The following NEGR1 variants were observed in gnomAD, a reference collection of about 807,000 sequenced individuals.
NEGR1 encodes neuronal growth regulator 1, also known as IgLON family member 4.
A neutral mutation model predicts 40.9 loss-of-function variants in NEGR1; 10 were observed. The observed-to-expected ratio is 0.24, with a 90% CI of 0.15 to 0.42. The LOEUF is 0.42. Ranked by LOEUF, NEGR1 falls within the 10% of genes least tolerant of loss-of-function variation. The pLI, the probability that NEGR1 is intolerant of heterozygous loss-of-function variation, is 1.00. For synonymous variants in NEGR1, 185 were observed against 166.8 expected (o/e 1.11, Z -0.84); for missense variants, 352 against 438.9 (o/e 0.80, Z 1.77).
chr1:71,780,040 C>CAA (rs57576840), intron 2 of NEGR1, among the ~76,000 whole-genome samples: 59 of 99,704 alleles, frequency 5.9e-4, no homozygotes, highest in Non-Finnish European at 8.1e-4. Context: ...ATAGGAAAAC[C>CAA]AAAAAAAAAA....
chr1:71,506,529 C>T (rs550823533), intron 6 of NEGR1, among the ~76,000 whole-genome samples: 6 of 152,054 alleles, frequency 3.9e-5, no homozygotes, highest in Non-Finnish European at 7.4e-5. Context: ...ATATATTAAA[C>T]CAAAAAGCCA....
intron 2 of NEGR1, among the ~76,000 whole-genome samples, chr1:71,778,369 G>A (rs541863519): frequency 5.3e-4 from 80 of 151,966 alleles, no homozygotes; most frequent in African/African-American, 1.8e-3. Flanking sequence ...TGAAATATTC[G>A]ACATTTTATT....
At chr1:71,683,147 CA>C (rs1458394597) in intron 4 of NEGR1, among the ~76,000 whole-genome samples, 2 of 152,092 alleles carry the variant, frequency 1.3e-5, no homozygotes, top group African/African-American at 4.8e-5. Flanking sequence ...TCCATAAAAT[CA>C]GAGCTAAACG....
intron 1 of NEGR1, among the ~76,000 whole-genome samples, chr1:72,118,067 G>T (rs1368531556): frequency 1.3e-5 from 2 of 151,794 alleles, no homozygotes; most frequent in African/African-American, 4.8e-5. Context: ...CTCAAAGCTA[G>T]ATATAATTTT....
chr1:72,232,817 A>AT, intron 1 of NEGR1, among the ~76,000 whole-genome samples: 1 of 152,198 alleles, frequency 6.6e-6, no homozygotes, highest in Non-Finnish European at 1.5e-5. Context: ...TTGTTACCAC[A>AT]TAAGTTTGAG....
At chr1:71,750,454 A>T (rs1332618584) in intron 3 of NEGR1, among the ~76,000 whole-genome samples, 3 of 152,218 alleles carry the variant, frequency 2.0e-5, no homozygotes, top group Non-Finnish European at 4.4e-5. Flanking sequence ...TACCCGAGAC[A>T]TATAAAGAAA....
chr1:71,606,047 T>C (rs1557584733), intron 5 of NEGR1, among the ~76,000 whole-genome samples: 2 of 152,212 alleles, frequency 1.3e-5, no homozygotes, highest in Non-Finnish European at 2.9e-5. Context: ...CCTCTCACAA[T>C]GACAATTTCA....
chr1:71,984,501 G>A (rs544150985), intron 1 of NEGR1, among the ~76,000 whole-genome samples: 1 of 152,116 alleles, frequency 6.6e-6, no homozygotes, highest in East Asian at 1.9e-4. Context: ...AAAAATTATA[G>A]AGAAAAACAA....
chr1:72,265,474 G>GT, intron 1 of NEGR1, among the ~76,000 whole-genome samples: 1 of 150,970 alleles, frequency 6.6e-6, no homozygotes, highest in Middle Eastern at 3.4e-3. Flanking sequence ...CCTAAAGTAT[G>GT]TAACTAATAT....
chr1:71,679,560 A>AT (rs909801524), intron 4 of NEGR1, among the ~76,000 whole-genome samples: 3 of 151,952 alleles, frequency 2.0e-5, no homozygotes, highest in African/African-American at 4.8e-5. Flanking sequence ...AATTGAAATA[A>AT]TTTTTTTTGG....
At chr1:71,649,170 C>T (rs891386773) in intron 4 of NEGR1, among the ~76,000 whole-genome samples, 2 of 152,002 alleles carry the variant, frequency 1.3e-5, no homozygotes, top group African/African-American at 4.8e-5. Flanking sequence ...ACCTCTCAAA[C>T]ATGAAAATAT....
chr1:71,668,593 A>C (rs1652316652), intron 4 of NEGR1, among the ~76,000 whole-genome samples: 2 of 152,148 alleles, frequency 1.3e-5, no homozygotes, highest in African/African-American at 4.8e-5. Context: ...TGGGAAGATA[A>C]AACGTGACTG....
At chr1:71,595,526 A>AT (rs1649668739) in intron 5 of NEGR1, among the ~76,000 whole-genome samples, 2 of 152,082 alleles carry the variant, frequency 1.3e-5, no homozygotes, top group South Asian at 4.1e-4. Flanking sequence ...TACTTTTGTG[A>AT]TTTTCCTGGA....
chr1:71,909,428 G>T (rs576512517), intron 2 of NEGR1, among the ~76,000 whole-genome samples: 1 of 152,140 alleles, frequency 6.6e-6, no homozygotes, highest in Non-Finnish European at 1.5e-5. Flanking sequence ...TCCGGTGTTC[G>T]TTGAATGTGA....
chr1:71,662,041 T>G (rs561758299), intron 4 of NEGR1, among the ~76,000 whole-genome samples: 1 of 152,326 alleles, frequency 6.6e-6, no homozygotes, highest in South Asian at 2.1e-4. Flanking sequence ...GTCTGGCACA[T>G]AATAAATGGT....
chr1:71,709,255 G>A (rs1049890329), intron 3 of NEGR1, among the ~76,000 whole-genome samples: 10 of 152,082 alleles, frequency 6.6e-5, no homozygotes, highest in South Asian at 2.1e-4. Context: ...AATTCTCTGC[G>A]GAGAATTTTG....
At chr1:71,746,442 G>T (rs970104151) in intron 3 of NEGR1, among the ~76,000 whole-genome samples, 2 of 152,108 alleles carry the variant, frequency 1.3e-5, no homozygotes, top group African/African-American at 2.4e-5. Context: ...AGATTATCTG[G>T]TTATAACTGA....
intron 1 of NEGR1, among the ~76,000 whole-genome samples, chr1:72,245,826 C>T (rs1654883818): frequency 6.6e-6 from 1 of 152,012 alleles, no homozygotes; most frequent in East Asian, 1.9e-4. Flanking sequence ...TTTCACACTT[C>T]TAATACATGC....
At chr1:72,136,681 A>G (rs938457651) in intron 1 of NEGR1, among the ~76,000 whole-genome samples, 7 of 151,674 alleles carry the variant, frequency 4.6e-5, no homozygotes, top group African/African-American at 1.7e-4. Context: ...TCCAAGCACA[A>G]GATGGGCAAA....
Sources: allele counts gnomAD v4.1 joint callset (sites outside exome capture counted in the v4.1 genomes callset), GRCh38; gene constraint gnomAD v4.1.1; transcripts MANE v1.5; gene names NCBI Gene and HGNC (gene_info 2026-07-23, HGNC 2026-07-21).